Variants in ZNF407 observed in about 807,000 individuals in gnomAD.
ZNF407 encodes zinc finger protein 407.
Under a neutral mutation model 131.2 loss-of-function variants are expected in ZNF407, and 17 were observed. The observed-to-expected ratio is 0.13, with a 90% CI of 0.09 to 0.19. The LOEUF is 0.19. Among genes scored for constraint, ZNF407 ranks in the 10% least tolerant of loss-of-function variants. The pLI, the probability that ZNF407 is intolerant of heterozygous loss-of-function variation, is 1.00. For synonymous variants in ZNF407, 1,156 were observed against 1,062.0 expected, an observed-to-expected ratio of 1.09 and a Z score of -1.72; for missense variants, 2,681 against 2,830.6, an observed-to-expected ratio of 0.95 and a Z score of 1.20.
intron 3 of ZNF407, among the ~76,000 whole-genome samples, chr18:74,759,429 T>C (rs1969041241): frequency 6.6e-6 from 1 of 152,172 alleles, no homozygotes; most frequent in Non-Finnish European, 1.5e-5. Context: ...CAATTTCTTT[T>C]CCTGCCCTCT....
intron 8 of ZNF407, among the ~76,000 whole-genome samples, chr18:74,976,253 G>A (rs1378753808): frequency 6.6e-6 from 1 of 152,224 alleles, no homozygotes; most frequent in African/African-American, 2.4e-5. Flanking sequence ...CTCATTAGTA[G>A]AGTAGTTTAC....
At chr18:74,704,337 A>G (rs1022546997) in intron 3 of ZNF407, among the ~76,000 whole-genome samples, 50 of 152,206 alleles carry the variant, frequency 3.3e-4, no homozygotes, top group Non-Finnish European at 3.4e-4. Flanking sequence ...TCTCTTTTAT[A>G]GAGCACTTCA....
chr18:74,774,150 C>G (rs960413628), intron 3 of ZNF407, among the ~76,000 whole-genome samples: 3 of 151,996 alleles, frequency 2.0e-5, no homozygotes, highest in African/African-American at 7.3e-5. Context: ...GTATAAAATC[C>G]AAGAGTCCAG....
intron 7 of ZNF407, among the ~76,000 whole-genome samples, chr18:74,893,628 G>A (rs1031313464): frequency 1.3e-5 from 2 of 152,112 alleles, no homozygotes; most frequent in Non-Finnish European, 2.9e-5. Context: ...TGTTGCGTAC[G>A]ATAGTAGGAA....
intron 6 of ZNF407, among the ~76,000 whole-genome samples, chr18:74,883,733 G>A (rs1055983208): frequency 6.6e-6 from 1 of 152,200 alleles, no homozygotes; most frequent in African/African-American, 2.4e-5. Context: ...CACACAAAGA[G>A]CACCGCACTA....
chr18:74,971,270 T>C (rs1972469060), intron 8 of ZNF407, among the ~76,000 whole-genome samples: 1 of 152,238 alleles, frequency 6.6e-6, no homozygotes, highest in African/African-American at 2.4e-5. Context: ...GGATTAACAT[T>C]AGACTGTTTG....
At chr18:74,605,720 GA>G (rs2144609299) in intron 1 of ZNF407, among the ~76,000 whole-genome samples, 1 of 152,246 alleles carries the variant, frequency 6.6e-6, no homozygotes, top group East Asian at 1.9e-4. Context: ...GGATTTCTAT[GA>G]AAACCACATT....
intron 4 of ZNF407, among the ~76,000 whole-genome samples, chr18:74,828,283 G>A (rs561267472): frequency 1.3e-5 from 2 of 152,260 alleles, no homozygotes; most frequent in East Asian, 3.9e-4. Flanking sequence ...GAGATACCTG[G>A]ATATTCCTTA....
chr18:74,643,271 ATTAG>A (rs754052506), intron 3 of ZNF407, among the ~76,000 whole-genome samples: 2 of 152,150 alleles, frequency 1.3e-5, no homozygotes, highest in African/African-American at 2.4e-5. Context: ...CAGTGGACCT[ATTAG>A]TTCCTGAACA....
chr18:75,064,555 AC>A lies in ZNF407; in HGVS notation c.*89del, dbSNP rs770999767. The A allele has an allele frequency of 3.3e-6, 4 of 1,217,834 alleles. No homozygotes were observed. Among genetic ancestry groups the A allele is most frequent in the Non-Finnish European group, 4.5e-6 (4 of 896,764 alleles). 75.4% of individuals were successfully genotyped at this position (1,217,834 alleles called of 1,614,324 possible). ...CCGTGTTCCCTGAGCTTCATCTGAA[AC>A]CTTCAAAACCATGAGGACAAGGCTC... On this transcript the variant is annotated 3_prime_UTR_variant, in exon 9 of 9. Coordinates refer to ENST00000299687, the MANE Select transcript of ZNF407 (RefSeq NM_017757.3).
At chr18:74,813,159 A>G (rs2145091145) in intron 4 of ZNF407, among the ~76,000 whole-genome samples, 1 of 152,298 alleles carries the variant, frequency 6.6e-6, no homozygotes, top group South Asian at 2.1e-4. Flanking sequence ...TGCCTTGTCC[A>G]CAGCAGATTG....
chr18:74,861,195 C>G (rs1970932346), intron 4 of ZNF407, among the ~76,000 whole-genome samples: 1 of 152,170 alleles, frequency 6.6e-6, no homozygotes, highest in Admixed American at 6.6e-5. Context: ...GACAGACTGT[C>G]AGTCTTCAGG....
chr18:74,675,511 T>C (rs968601883), intron 3 of ZNF407, among the ~76,000 whole-genome samples: 1 of 152,206 alleles, frequency 6.6e-6, no homozygotes, highest in Non-Finnish European at 1.5e-5. Flanking sequence ...GAGACAGGCA[T>C]CTAAAATAAG....
At chr18:74,644,530 C>G (rs1369454315) in intron 3 of ZNF407, among the ~76,000 whole-genome samples, 1 of 151,764 alleles carries the variant, frequency 6.6e-6, no homozygotes, top group East Asian at 1.9e-4. Context: ...GGCACCATGT[C>G]TTGTTAAATT....
At chr18:74,747,830 A>G (rs1243198295) in intron 3 of ZNF407, among the ~76,000 whole-genome samples, 2 of 152,142 alleles carry the variant, frequency 1.3e-5, no homozygotes, top group African/African-American at 4.8e-5. Flanking sequence ...CATGCAATGT[A>G]TAACACATAT....
chr18:74,897,502 A>C lies in ZNF407; in HGVS notation c.5249+7464A>C, dbSNP rs114052577. Among the ~76,000 whole-genome samples the C allele has an allele frequency of 1.6e-3, 249 of 152,342 alleles. 1 individual carries two copies. The highest frequency in any genetic ancestry group is 5.8e-3 in the African/African-American group (240 of 41,574). ...TGAATCGCAAATCCAGTCATTATAA[A>C]AGGACCAAAGCTATCTTTGGGGATG... On this transcript the variant is annotated intron_variant, in intron 7 of 8. Transcript: ENST00000299687.
At chr18:74,692,485 G>A (rs1272001767) in intron 3 of ZNF407, among the ~76,000 whole-genome samples, 1 of 151,992 alleles carries the variant, frequency 6.6e-6, no homozygotes, top group Non-Finnish European at 1.5e-5. Context: ...TGCTAGATTC[G>A]TAGTTGAAGT....
At chr18:74,989,772 G>T (rs1456133767) in intron 8 of ZNF407, among the ~76,000 whole-genome samples, 1 of 151,834 alleles carries the variant, frequency 6.6e-6, no homozygotes, top group Non-Finnish European at 1.5e-5. Context: ...GAACCCAGGA[G>T]GTGGAGGTTG....
intron 8 of ZNF407, among the ~76,000 whole-genome samples, chr18:74,925,745 T>C (rs541299923): frequency 1.3e-5 from 2 of 152,368 alleles, no homozygotes; most frequent in Non-Finnish European, 2.9e-5. Context: ...TTGGTTCTCC[T>C]TACATAAACC....
Sources: gnomAD v4.1 joint callset for allele counts (sites outside exome capture counted in the v4.1 genomes callset) on GRCh38, gnomAD v4.1.1 for gene constraint, MANE v1.5 for transcripts, NCBI Gene and HGNC (gene_info 2026-07-23, HGNC 2026-07-21) for gene names.